DPP10: variants seen among roughly 807,000 people sequenced by gnomAD.
The protein encoded by DPP10 is dipeptidyl peptidase like 10.
Under a neutral mutation model 120.9 loss-of-function variants are expected in DPP10, and 33 were observed. The observed-to-expected ratio is 0.27, with a 90% CI of 0.21 to 0.37. DPP10 has a LOEUF of 0.37. DPP10 is among the 10% of genes least tolerant of loss of function. The pLI is 1.00. For synonymous variants in DPP10, 337 were observed against 326.1 expected (o/e 1.03, Z -0.36); for missense variants, 816 against 942.8 (o/e 0.87, Z 1.76).
intron 5 of DPP10, among the ~76,000 whole-genome samples, chr2:115,590,263 A>C (rs77281144): frequency 2.6e-5 from 4 of 151,254 alleles, no homozygotes; most frequent in Non-Finnish European, 5.9e-5. Flanking sequence ...GGTGTGCCGC[A>C]CCTGTTACCT....
intron 1 of DPP10, among the ~76,000 whole-genome samples, chr2:114,784,525 T>TA (rs1161701118): frequency 6.6e-6 from 1 of 152,106 alleles, no homozygotes; most frequent in Non-Finnish European, 1.5e-5. Context: ...TATGTTCCTA[T>TA]AAAAAATATT....
At chr2:114,537,555 C>T (rs527969801) in intron 1 of DPP10, among the ~76,000 whole-genome samples, 12 of 152,108 alleles carry the variant, frequency 7.9e-5, no homozygotes, top group Admixed American at 4.6e-4. Context: ...GATGCATCCT[C>T]GTGGAGCAGG....
chr2:114,813,025 C>G (rs1685318131), intron 1 of DPP10, among the ~76,000 whole-genome samples: 1 of 152,132 alleles, frequency 6.6e-6, no homozygotes, highest in African/African-American at 2.4e-5. Flanking sequence ...AGCGTGTGGT[C>G]CATATAAAAT....
At chr2:115,562,701 T>C (rs1276246583) in intron 5 of DPP10, among the ~76,000 whole-genome samples, 1 of 152,196 alleles carries the variant, frequency 6.6e-6, no homozygotes, top group African/African-American at 2.4e-5. Context: ...TTGCTTATTT[T>C]TATCTAAAAC....
chr2:115,551,212 G>A (rs909696430), intron 5 of DPP10, among the ~76,000 whole-genome samples: 3 of 152,086 alleles, frequency 2.0e-5, no homozygotes, highest in East Asian at 3.9e-4. Flanking sequence ...ATTTCAGATT[G>A]TAATAATTGC....
intron 1 of DPP10, among the ~76,000 whole-genome samples, chr2:115,103,188 T>C (rs1256829387): frequency 8.3e-5 from 12 of 144,952 alleles, no homozygotes; most frequent in African/African-American, 3.0e-4. Flanking sequence ...TTCTCTCTTT[T>C]TTTTTTTTTT....
intron 1 of DPP10, among the ~76,000 whole-genome samples, chr2:115,164,361 G>GC (rs2104997408): frequency 6.6e-6 from 1 of 151,586 alleles, no homozygotes; most frequent in Admixed American, 6.6e-5. Context: ...GTTTAATTCT[G>GC]CAATTGCCAC....
intron 2 of DPP10, among the ~76,000 whole-genome samples, chr2:115,329,157 A>G (rs942225871): frequency 1.3e-5 from 2 of 152,090 alleles, no homozygotes; most frequent in Non-Finnish European, 2.9e-5. Flanking sequence ...AAAGAAGCAG[A>G]TAATAAATTA....
chr2:115,410,421 T>G (rs2068857624), intron 3 of DPP10, among the ~76,000 whole-genome samples: 1 of 152,204 alleles, frequency 6.6e-6, no homozygotes, highest in African/African-American at 2.4e-5. Context: ...AAGTGGGAGC[T>G]GAACGATAAG....
intron 1 of DPP10, among the ~76,000 whole-genome samples, chr2:114,915,172 A>G (rs924519751): frequency 6.6e-6 from 1 of 152,238 alleles, no homozygotes; most frequent in Non-Finnish European, 1.5e-5. Flanking sequence ...AGAAATATCT[A>G]TCAAGAAAAT....
chr2:115,635,516 C>A (rs1303289739), intron 5 of DPP10, among the ~76,000 whole-genome samples: 3 of 152,224 alleles, frequency 2.0e-5, no homozygotes, highest in Non-Finnish European at 2.9e-5. Flanking sequence ...GTAGGTCACA[C>A]CAACCACCTA....
intron 1 of DPP10, among the ~76,000 whole-genome samples, chr2:115,208,486 A>C (rs1360712630): frequency 6.6e-6 from 1 of 152,202 alleles, no homozygotes; most frequent in Non-Finnish European, 1.5e-5. Context: ...GTCTCATAGC[A>C]GAAGAGAAAT....
chr2:115,336,071 A>G (rs904583921), intron 2 of DPP10, among the ~76,000 whole-genome samples: 8 of 152,130 alleles, frequency 5.3e-5, no homozygotes, highest in African/African-American at 1.9e-4. Context: ...AACTAACACA[A>G]TTATTTTCAG....
intron 1 of DPP10, among the ~76,000 whole-genome samples, chr2:114,897,035 C>G (rs1173809774): frequency 6.6e-6 from 1 of 152,124 alleles, no homozygotes; most frequent in Non-Finnish European, 1.5e-5. Context: ...TGCTGGATTA[C>G]ATTTATTGAT....
intron 10 of DPP10, among the ~76,000 whole-genome samples, chr2:115,752,349 T>A (rs1678848447): frequency 6.6e-6 from 1 of 152,310 alleles, no homozygotes; most frequent in Admixed American, 6.5e-5. Context: ...GGAAGCTTTG[T>A]GACATATTGT....
At chr2:115,109,040 A>AGT (rs58284644) in intron 1 of DPP10, among the ~76,000 whole-genome samples, 89,844 of 151,786 alleles carry the variant, frequency 0.59, 26,767 homozygotes, top group East Asian at 0.67. Context: ...ATGTTAACAT[A>AGT]AACTGATCAT....
chr2:115,797,814 C>T (rs887206037), intron 19 of DPP10, among the ~76,000 whole-genome samples: 11 of 151,856 alleles, frequency 7.2e-5, no homozygotes, highest in African/African-American at 2.7e-4. Context: ...GTTGTACAAA[C>T]TCAAACTTGC....
At chr2:115,837,613 A>G (rs752728076) in intron 24 of DPP10, among the ~76,000 whole-genome samples, 7 of 152,218 alleles carry the variant, frequency 4.6e-5, no homozygotes, top group Non-Finnish European at 8.8e-5. Flanking sequence ...GAGGAACTTT[A>G]CAGTGGAGAA....
At chr2:115,589,886 G>A (rs1213596475) in intron 5 of DPP10, among the ~76,000 whole-genome samples, 1 of 152,156 alleles carries the variant, frequency 6.6e-6, no homozygotes, top group Non-Finnish European at 1.5e-5. Flanking sequence ...AGACAGTCAT[G>A]CATATCGGTA....
Sources: gnomAD v4.1 joint callset for allele counts (sites outside exome capture counted in the v4.1 genomes callset) on GRCh38, gnomAD v4.1.1 for gene constraint, MANE v1.5 for transcripts, NCBI Gene and HGNC (gene_info 2026-07-23, HGNC 2026-07-21) for gene names.